Variants in DOCK10 observed in about 807,000 individuals in gnomAD.
The protein encoded by DOCK10 is dedicator of cytokinesis protein 10.
In DOCK10, 145 loss-of-function variants were observed where a neutral mutation model predicts 280.1. The ratio of observed to expected loss-of-function variants is 0.52; its 90% CI spans 0.45 to 0.59. DOCK10 has a LOEUF of 0.59. Ranked by LOEUF, DOCK10 falls within the 20% of genes least tolerant of loss-of-function variation. The pLI is 0.00. For synonymous variants in DOCK10, 915 were observed against 942.2 expected (o/e 0.97, Z 0.53); for missense variants, 2,368 against 2,651.7 (o/e 0.89, Z 2.35).
intron 1 of DOCK10, among the ~76,000 whole-genome samples, chr2:224,961,098 T>C (rs1356440744): frequency 1.3e-5 from 2 of 152,202 alleles, no homozygotes; most frequent in Admixed American, 6.5e-5. Context: ...GCAGCAACCT[T>C]CCTTGTGAAA....
In DOCK10 at chr2:224,895,813, T is replaced by TTGTGTG. The variant is rs1300628923; in HGVS notation, c.416+476_416+481dup. 6.5e-3 allele frequency among the ~76,000 whole-genome samples: 755 copies of TTGTGTG among 115,332 alleles called. 7 individuals carry two copies. The highest frequency in any genetic ancestry group is 0.026 in the African/African-American group (653 of 25,436). 75.7% of individuals were successfully genotyped at this position (115,332 alleles called of 152,430 possible). ...AATCAGGTGTTTATTTTCCTTTTGG[T>TTGTGTG]TGTGTGTGTGTGTGTGTGCGTGTGT... On this transcript the variant is annotated intron_variant, in intron 4 of 55. Transcript: ENST00000258390.
intron 29 of DOCK10, among the ~76,000 whole-genome samples, chr2:224,816,930 A>G (rs1559478950): frequency 6.6e-6 from 1 of 152,242 alleles, no homozygotes; most frequent in Non-Finnish European, 1.5e-5. Context: ...CTCTTCAGGA[A>G]ATAATCCCAT....
chr2:224,886,418 T>A, intron 5 of DOCK10, 41 bp downstream of exon 5: 2 of 1,566,790 alleles, frequency 1.3e-6, no homozygotes, highest in Non-Finnish European at 1.8e-6. Context: ...AAACTAATTA[T>A]CCTCATGTTT....
chr2:224,883,934 G>A (rs1227075965), intron 7 of DOCK10, among the ~76,000 whole-genome samples: 1 of 152,178 alleles, frequency 6.6e-6, no homozygotes. Flanking sequence ...AAGCTTTCAA[G>A]TACAAATGGA....
rs545437156 is a variant in DOCK10 at position 224,777,358 on chromosome 2, A to T, written c.5802+780T>A. ...AACATTTGAGTCAGTGAACTGGGAG[A>T]GGCAGACCTGCCCTCAATCTGGGTT... is the stretch of plus-strand genomic sequence containing the variant. On this transcript the variant is annotated intron_variant, in intron 51 of 55. Transcript: ENST00000258390. Among the ~76,000 whole-genome samples the T allele has an allele frequency of 2.9e-4, 44 of 152,258 alleles. 1 individual carries two copies. The highest frequency in any genetic ancestry group is 3.4e-3 in the Middle Eastern group (1 of 294).
At chr2:225,023,725 C>A (rs145565432) in intron 1 of DOCK10, among the ~76,000 whole-genome samples, 8 of 152,272 alleles carry the variant, frequency 5.3e-5, no homozygotes, top group African/African-American at 1.9e-4. Context: ...AGGCTGTTCT[C>A]AGAAGCATCA....
At chr2:224,914,693 A>G (rs1428246755) in intron 3 of DOCK10, among the ~76,000 whole-genome samples, 2 of 152,170 alleles carry the variant, frequency 1.3e-5, no homozygotes, top group Admixed American at 1.3e-4. Flanking sequence ...ATGAAAGAAT[A>G]CTAAGGTCTC....
intron 15 of DOCK10, 88 bp downstream of exon 15, chr2:224,856,772 C>G: frequency 7.9e-7 from 1 of 1,267,204 alleles, no homozygotes. Context: ...TTTGGGTGTT[C>G]GAGAATGAGA....
intron 1 of DOCK10, among the ~76,000 whole-genome samples, chr2:225,016,595 GTGCACATAGATACATA>G (rs1689600789): frequency 3.5e-5 from 3 of 86,708 alleles, no homozygotes; most frequent in Admixed American, 1.0e-4. Context: ...ATATATCTAT[GTGCACATAGATACATA>G]TATCTATGTG....
chr2:224,889,086 T>A (rs1365078231), intron 4 of DOCK10, among the ~76,000 whole-genome samples: 1 of 152,228 alleles, frequency 6.6e-6, no homozygotes, highest in East Asian at 1.9e-4. Context: ...GTATTTGTTT[T>A]AAGATTATTT....
At position 224,869,026 on chromosome 2, in the gene DOCK10, C is replaced by T. The variant is rs1172670050; in HGVS notation, c.1258-3939G>A. Among the ~76,000 whole-genome samples, 6 of 152,090 alleles carry T rather than the reference C, an allele frequency of 3.9e-5. No individual in the cohort carries two copies. The South Asian group carries it at 1.0e-3, about 26-fold the overall frequency. On this transcript the variant is annotated intron_variant, in intron 11 of 55. Transcript: ENST00000258390. Reference sequence around the variant, plus strand: ...GATTCATTTCTTTCTTCCAATCCACCTTTTCAAAATAAATGTCAAATCACT... The same window carrying T: ...GATTCATTTCTTTCTTCCAATCCACTTTTTCAAAATAAATGTCAAATCACT...
chr2:225,037,705 T>C (rs1690298894), intron 1 of DOCK10, among the ~76,000 whole-genome samples: 1 of 152,234 alleles, frequency 6.6e-6, no homozygotes. Flanking sequence ...CGTACATTCT[T>C]AACAAATTAT....
At chr2:224,913,990 G>T (rs1372225572) in intron 3 of DOCK10, among the ~76,000 whole-genome samples, 3 of 152,134 alleles carry the variant, frequency 2.0e-5, no homozygotes, top group African/African-American at 7.2e-5. Flanking sequence ...GCCTGCCTTG[G>T]CCTCCCAAAG....
At chr2:224,903,477 C>G (rs559680953) in intron 3 of DOCK10, among the ~76,000 whole-genome samples, 1 of 152,256 alleles carries the variant, frequency 6.6e-6, no homozygotes, top group South Asian at 2.1e-4. Flanking sequence ...TTTGGTTTCT[C>G]TTTTCAAAAT....
rs1440591154 is a variant in DOCK10, at chr2:224,853,009, A to G, written c.2002T>C (p.Tyr668His). ...VYDSTKYCRP[Y>H]RVYKNQIYIY... ...TAAATTTGATTTTTATATACTCTGT[A>G]AGGCCGACAATACTTTGTTGAATCG... Residue 668 changes from tyrosine (Y) to histidine (H), a missense_variant, in exon 17 of 56, where the codon TAC becomes CAC. Transcript: ENST00000258390. 3 of 1,612,864 alleles carry G rather than the reference A, an allele frequency of 1.9e-6. No individual in the cohort carries two copies. Among genetic ancestry groups the G allele is most frequent in the Admixed American group, 3.3e-5 (2 of 59,996 alleles).
intron 1 of DOCK10, among the ~76,000 whole-genome samples, chr2:224,943,889 G>A (rs879744684): frequency 1.3e-5 from 2 of 149,472 alleles, no homozygotes; most frequent in Admixed American, 6.8e-5. Context: ...TTAGCCTCCC[G>A]AGTAGCTGGG....
chr2:224,930,757 TG>T (rs1702314996), intron 2 of DOCK10, among the ~76,000 whole-genome samples: 1 of 152,166 alleles, frequency 6.6e-6, no homozygotes, highest in African/African-American at 2.4e-5. Flanking sequence ...TGCCTTAAGA[TG>T]TTGAAGTTTG....
chr2:225,023,138 C>A (rs144467447), intron 1 of DOCK10, among the ~76,000 whole-genome samples: 12 of 151,958 alleles, frequency 7.9e-5, no homozygotes, highest in African/African-American at 2.9e-4. Flanking sequence ...CAGGTTCAAG[C>A]GATTCTCCTG....
chr2:224,976,613 G>A (rs1260877619), intron 1 of DOCK10, among the ~76,000 whole-genome samples: 3 of 150,572 alleles, frequency 2.0e-5, no homozygotes, highest in African/African-American at 7.3e-5. Context: ...AGGTACCCAG[G>A]GAAAAAACCA....
Sources: allele counts gnomAD v4.1 joint callset (sites outside exome capture counted in the v4.1 genomes callset), GRCh38; gene constraint gnomAD v4.1.1; transcripts MANE v1.5; gene names NCBI Gene and HGNC (gene_info 2026-07-23, HGNC 2026-07-21).